Variants in NARS2 observed in about 807,000 individuals in gnomAD.
NARS2 encodes asparaginyl-tRNA synthetase.
NARS2 carries 60 observed loss-of-function variants against 62.9 expected under a neutral mutation model. The ratio of observed to expected loss-of-function variants is 0.95; its 90% confidence interval spans 0.77 to 1.18. The LOEUF (loss-of-function observed/expected upper bound fraction) is 1.18, where lower values mean the gene tolerates loss of function less well. Among genes scored for constraint, NARS2 ranks in the 50% most tolerant of loss-of-function variants. The probability of loss-of-function intolerance (pLI) is 0.00; values close to 1 mark genes in which losing one functional copy is unlikely to be tolerated. For synonymous variants in NARS2, 196 were observed against 200.0 expected, an observed-to-expected ratio of 0.98 and a Z score of 0.17; for missense variants, 619 against 576.4, an observed-to-expected ratio of 1.07 and a Z score of -0.76.
At chr11:78,453,440 AC>A (rs897951159) in intron 11 of NARS2, among the ~76,000 whole-genome samples, 1 of 152,078 alleles carries the variant, frequency 6.6e-6, no homozygotes, top group African/African-American at 2.4e-5. Flanking sequence ...TGAAAATAAA[AC>A]TCAGACCCTG....
Position 78,517,988 on chromosome 11 carries a change from A to G in NARS2, c.689+10854T>C, listed in dbSNP as rs192054290. On this transcript the variant is annotated intron_variant, in intron 6 of 13. Coordinates refer to ENST00000281038, the MANE Select transcript of NARS2 (RefSeq NM_024678.6). ...TAGGTTTCACGGTTATATAATTTCC[A>G]TGAAGTAAAAGGAATTATTAACATA... 1.7e-4 allele frequency among the ~76,000 whole-genome samples: 26 copies of G among 152,354 alleles called. No homozygotes were observed. In the East Asian group the frequency reaches 1.7e-3, roughly 10 times the overall value.
intron 6 of NARS2, among the ~76,000 whole-genome samples, chr11:78,508,360 G>C (rs762012375): frequency 6.6e-6 from 1 of 152,110 alleles, no homozygotes; most frequent in Non-Finnish European, 1.5e-5. Flanking sequence ...AAGCCGAGGC[G>C]GGCAGACCAC....
chr11:78,463,593 G>A (rs1195156216), intron 11 of NARS2, among the ~76,000 whole-genome samples: 1 of 150,964 alleles, frequency 6.6e-6, no homozygotes, highest in East Asian at 2.0e-4. Flanking sequence ...GGCTGAGGCA[G>A]GAAAATCACT....
chr11:78,504,036 A>C (rs7950813), intron 6 of NARS2, among the ~76,000 whole-genome samples: 1 of 152,136 alleles, frequency 6.6e-6, no homozygotes, highest in African/African-American at 2.4e-5. Context: ...AACCCTCCAC[A>C]GCTATATAGG....
chr11:78,522,652 C>G (rs1167464254), intron 6 of NARS2, among the ~76,000 whole-genome samples: 2 of 152,234 alleles, frequency 1.3e-5, no homozygotes, highest in East Asian at 3.9e-4. Flanking sequence ...TTAATTTGAT[C>G]ATTCTAATTG....
intron 9 of NARS2, among the ~76,000 whole-genome samples, chr11:78,476,918 T>A (rs554561414): frequency 6.6e-6 from 1 of 152,194 alleles, no homozygotes; most frequent in Admixed American, 6.5e-5. Flanking sequence ...TGAAATCAGA[T>A]GAACATGAGC....
At chr11:78,474,180 G>A (rs1565222009) in intron 9 of NARS2, among the ~76,000 whole-genome samples, 1 of 152,100 alleles carries the variant, frequency 6.6e-6, no homozygotes, top group Non-Finnish European at 1.5e-5. Flanking sequence ...CTGACATATT[G>A]CTTTTAACAG....
intron 9 of NARS2, among the ~76,000 whole-genome samples, chr11:78,477,279 C>G (rs1188027529): frequency 2.0e-5 from 3 of 152,142 alleles, no homozygotes; most frequent in African/African-American, 7.2e-5. Context: ...CTTTCAGTTG[C>G]CTATCCAACA....
intron 5 of NARS2, among the ~76,000 whole-genome samples, chr11:78,549,161 G>A (rs1242312256): frequency 6.6e-6 from 1 of 152,222 alleles, no homozygotes; most frequent in Non-Finnish European, 1.5e-5. Flanking sequence ...CCTTGGGCAT[G>A]GTGCTGCTGA....
chr11:78,447,719 T>C (rs1857813561), intron 11 of NARS2, among the ~76,000 whole-genome samples: 1 of 152,160 alleles, frequency 6.6e-6, no homozygotes, highest in Non-Finnish European at 1.5e-5. Context: ...ATCCAGAGGA[T>C]AATGTGCTAA....
intron 9 of NARS2, among the ~76,000 whole-genome samples, chr11:78,472,233 T>A (rs535189767): frequency 6.6e-6 from 1 of 152,320 alleles, no homozygotes; most frequent in Admixed American, 6.5e-5. Flanking sequence ...TAGAAAATAA[T>A]ATCTCTTCTC....
chr11:78,524,610 C>T (rs982918246), intron 6 of NARS2, among the ~76,000 whole-genome samples: 1 of 151,964 alleles, frequency 6.6e-6, no homozygotes, highest in African/African-American at 2.4e-5. Context: ...TTAAATCTCT[C>T]TTGGAATGAA....
chr11:78,543,224 C>T (rs186003805), intron 5 of NARS2, among the ~76,000 whole-genome samples: 1 of 152,158 alleles, frequency 6.6e-6, no homozygotes. Context: ...ATAAAAGTCA[C>T]GATTTTGATG....
chr11:78,461,305 G>A (rs1234410181), intron 11 of NARS2, among the ~76,000 whole-genome samples: 1 of 152,070 alleles, frequency 6.6e-6, no homozygotes, highest in Non-Finnish European at 1.5e-5. Context: ...CTGATGAATA[G>A]ATAGAAATGG....
intron 1 of NARS2, chr11:78,573,382 A>T (rs1288672003): frequency 1.3e-5 from 2 of 152,208 alleles, no homozygotes; most frequent in Non-Finnish European, 2.9e-5. Context: ...CAAAAAACTT[A>T]AAAAATTATA....
chr11:78,446,826 T>C (rs1244168248), intron 11 of NARS2, among the ~76,000 whole-genome samples: 1 of 151,882 alleles, frequency 6.6e-6, no homozygotes, highest in Middle Eastern at 3.2e-3. Context: ...AGACAACCAA[T>C]GCAAAACCAG....
intron 3 of NARS2, among the ~76,000 whole-genome samples, chr11:78,567,809 A>G (rs557952726): frequency 7.2e-5 from 11 of 152,332 alleles, no homozygotes; most frequent in African/African-American, 2.6e-4. Context: ...ATTTTTGTTC[A>G]TTAAATATTT....
chr11:78,516,152 C>T (rs1291740115), intron 6 of NARS2, among the ~76,000 whole-genome samples: 3 of 152,112 alleles, frequency 2.0e-5, no homozygotes, highest in Non-Finnish European at 4.4e-5. Context: ...GATAATGTGG[C>T]TAAATAGAAT....
intron 6 of NARS2, among the ~76,000 whole-genome samples, chr11:78,495,704 T>A (rs953076941): frequency 2.0e-5 from 3 of 152,178 alleles, no homozygotes; most frequent in Non-Finnish European, 4.4e-5. Flanking sequence ...CTCAGATATA[T>A]GTCACTGACG....
Sources: gnomAD v4.1 joint callset for allele counts (sites outside exome capture counted in the v4.1 genomes callset) on GRCh38, gnomAD v4.1.1 for gene constraint, MANE v1.5 for transcripts, NCBI Gene and HGNC (gene_info 2026-07-23, HGNC 2026-07-21) for gene names.